Variants in NR2F1-AS1 observed in about 807,000 individuals in gnomAD.
NR2F1-AS1 encodes the protein NR2F1 regulatory antisense RNA 1.
intron 1 of NR2F1-AS1, among the ~76,000 whole-genome samples, chr5:93,572,451 C>T (rs1190454252): frequency 2.0e-5 from 3 of 152,230 alleles, no homozygotes; most frequent in African/African-American, 7.2e-5. Flanking sequence ...GCTCCGTGCT[C>T]CTCTTCGCCT....
intron 2 of NR2F1-AS1, among the ~76,000 whole-genome samples, chr5:93,556,111 A>G (rs994137851): frequency 1.3e-5 from 2 of 152,216 alleles, no homozygotes; most frequent in African/African-American, 2.4e-5. Flanking sequence ...ACTTTATCCC[A>G]TGTTCTTTCT....
intron 4 of NR2F1-AS1, among the ~76,000 whole-genome samples, chr5:93,448,731 G>A (rs1278797885): frequency 1.3e-5 from 2 of 152,214 alleles, no homozygotes; most frequent in African/African-American, 4.8e-5. Context: ...AGCTCAAGTA[G>A]TCAGGTAGGA....
At chr5:93,478,288 T>C (rs1750528692) in intron 4 of NR2F1-AS1, among the ~76,000 whole-genome samples, 1 of 152,196 alleles carries the variant, frequency 6.6e-6, no homozygotes, top group East Asian at 1.9e-4. Flanking sequence ...ACAATGCTAA[T>C]CTCAGGATGG....
chr5:93,491,817 T>A (rs1211525204), intron 4 of NR2F1-AS1, among the ~76,000 whole-genome samples: 1 of 152,170 alleles, frequency 6.6e-6, no homozygotes, highest in Non-Finnish European at 1.5e-5. Flanking sequence ...GGCCTCAGAC[T>A]TGGAGTTACA....
At chr5:93,474,956 T>G (rs770154548) in intron 4 of NR2F1-AS1, among the ~76,000 whole-genome samples, 16 of 152,040 alleles carry the variant, frequency 1.1e-4, no homozygotes, top group Non-Finnish European at 1.5e-4. Context: ...AAACCCCGTC[T>G]CTACTAAAAA....
intron 4 of NR2F1-AS1, among the ~76,000 whole-genome samples, chr5:93,436,977 A>T (rs1749445497): frequency 6.6e-6 from 1 of 150,706 alleles, no homozygotes; most frequent in Admixed American, 6.6e-5. Context: ...AGTGAAACTC[A>T]TTATCTCCAA....
chr5:93,570,073 A>T (rs1275170667), intron 1 of NR2F1-AS1: 1 of 152,186 alleles, frequency 6.6e-6, no homozygotes, highest in African/African-American at 2.4e-5. Context: ...GAGATTACAA[A>T]ACAATCTCTA....
At chr5:93,510,105 C>A (rs768641574) in intron 4 of NR2F1-AS1, among the ~76,000 whole-genome samples, 6 of 152,040 alleles carry the variant, frequency 3.9e-5, no homozygotes, top group Non-Finnish European at 7.4e-5. Context: ...ATTTATCTTA[C>A]AGGTAAGTTA....
Position 93,514,696 on chromosome 5 carries a change from G to T in NR2F1-AS1, n.638+39065C>A, listed in dbSNP as rs576044104. Among the ~76,000 whole-genome samples, 215 of 152,072 alleles carry T rather than the reference G, an allele frequency of 1.4e-3. 2 individuals carry two copies. Among genetic ancestry groups the T allele is most frequent in the African/African-American group, 5.0e-3 (207 of 41,510 alleles). On this transcript the variant is annotated intron_variant and non_coding_transcript_variant, in intron 4 of 5. Transcript: ENST00000660523. The stretch of plus-strand genomic sequence containing the variant: ...CACTGAATCTGTACTTGAGGAAACA[G>T]ATCTAATATTATACAAGAGTATAAT...
At chr5:93,567,993 A>G (rs1561508684) in intron 1 of NR2F1-AS1, among the ~76,000 whole-genome samples, 1 of 152,210 alleles carries the variant, frequency 6.6e-6, no homozygotes, top group Non-Finnish European at 1.5e-5. Flanking sequence ...ACCAGAAACT[A>G]AGTGTAAATT....
In NR2F1-AS1 at chr5:93,532,863, G is replaced by A. The variant is rs192497739; in HGVS notation, n.638+20898C>T. On this transcript the variant is annotated intron_variant and non_coding_transcript_variant, in intron 4 of 5. Coordinates refer to ENST00000660523, the Ensembl canonical transcript of NR2F1-AS1. ...AATTATTAATACAGAAAATGTGAAA[G>A]CAATCATACTAGAACCACAAATGGT... Among the ~76,000 whole-genome samples, 374 of 152,280 alleles carry A rather than the reference G, an allele frequency of 2.5e-3. 1 individual carries two copies. The highest frequency in any genetic ancestry group is 2.8e-3 in the Non-Finnish European group (191 of 68,022).
chr5:93,518,886 G>C (rs1290244871), intron 4 of NR2F1-AS1, among the ~76,000 whole-genome samples: 1 of 152,012 alleles, frequency 6.6e-6, no homozygotes, highest in Non-Finnish European at 1.5e-5. Context: ...ACATCTAAGA[G>C]ATCATCATGG....
intron 4 of NR2F1-AS1, among the ~76,000 whole-genome samples, chr5:93,468,786 C>T (rs1750301391): frequency 6.6e-6 from 1 of 152,150 alleles, no homozygotes; most frequent in Non-Finnish European, 1.5e-5. Context: ...TTAGGTCTTA[C>T]ATTTAAGTCT....
intron 4 of NR2F1-AS1, among the ~76,000 whole-genome samples, chr5:93,453,250 G>A (rs1202446155): frequency 6.6e-6 from 1 of 151,796 alleles, no homozygotes; most frequent in Non-Finnish European, 1.5e-5. Context: ...CATCAAAATA[G>A]AAGCTACCCA....
intron 4 of NR2F1-AS1, among the ~76,000 whole-genome samples, chr5:93,470,077 A>G (rs1010927785): frequency 6.6e-6 from 1 of 152,036 alleles, no homozygotes; most frequent in Non-Finnish European, 1.5e-5. Context: ...ACAAAAGGTA[A>G]ATATTTACAG....
intron 4 of NR2F1-AS1, among the ~76,000 whole-genome samples, chr5:93,417,375 TGAAG>T (rs1748989420): frequency 6.6e-6 from 1 of 151,992 alleles, no homozygotes; most frequent in Admixed American, 6.6e-5. Context: ...CACACAAAGG[TGAAG>T]GAAGGAAGAA....
At chr5:93,483,618 T>C (rs1224188963) in intron 4 of NR2F1-AS1, among the ~76,000 whole-genome samples, 1 of 152,122 alleles carries the variant, frequency 6.6e-6, no homozygotes, top group African/African-American at 2.4e-5. Flanking sequence ...CTGACAGAAG[T>C]AGACTTCAGA....
rs143616723 is a variant in NR2F1-AS1 at position 93,433,014 on chromosome 5, T to C, written n.639-37472A>G. Among the ~76,000 whole-genome samples the C allele has an allele frequency of 6.7e-4, 102 of 152,338 alleles. 1 individual carries two copies. The highest frequency in any genetic ancestry group is 2.4e-3 in the African/African-American group (98 of 41,582). ...GAGCATTACTGCTCTTCTTGTTCAT[T>C]TTGATATATGCATTATTCAACTTTT... On this transcript the variant is annotated intron_variant and non_coding_transcript_variant, in intron 4 of 5. Transcript: ENST00000660523.
chr5:93,489,431 A>ATT (rs902364104), intron 4 of NR2F1-AS1, among the ~76,000 whole-genome samples: 51 of 151,598 alleles, frequency 3.4e-4, no homozygotes, highest in African/African-American at 1.2e-3. Flanking sequence ...ATATATATAT[A>ATT]TTTTTAGGCA....
Sources: allele counts gnomAD v4.1 joint callset (sites outside exome capture counted in the v4.1 genomes callset), GRCh38; gene constraint gnomAD v4.1.1; transcripts MANE v1.5; gene names NCBI Gene and HGNC (gene_info 2026-07-23, HGNC 2026-07-21).